Variants in SDCCAG8 observed in about 807,000 individuals in gnomAD.
SDCCAG8 encodes the protein SHH signaling and ciliogenesis regulator SDCCAG8.
In SDCCAG8, 74 loss-of-function variants were observed where a neutral mutation model predicts 101.8. That is an observed-to-expected ratio of 0.73 (90% confidence interval 0.60 to 0.88). SDCCAG8 has a LOEUF of 0.88. Among genes scored for constraint, SDCCAG8 ranks in the 40% least tolerant of loss-of-function variants. The pLI is 0.00. For missense variants in SDCCAG8, 787 were observed against 822.6 expected (o/e 0.96, Z 0.53); for synonymous variants, 281 against 292.9 (o/e 0.96, Z 0.41).
intron 12 of SDCCAG8, among the ~76,000 whole-genome samples, chr1:243,352,683 T>G (rs190569172): frequency 2.0e-5 from 3 of 152,332 alleles, no homozygotes; most frequent in East Asian, 3.9e-4. Context: ...TTAAAAAAAT[T>G]TATTGTATAA....
At chr1:243,256,280 C>T in intron 1 of SDCCAG8, 40 bp downstream of exon 1, 1 of 1,576,304 alleles carries the variant, frequency 6.3e-7, no homozygotes, top group Non-Finnish European at 8.7e-7. Context: ...CCCGAGGTGC[C>T]CAGGGCCTAG....
intron 4 of SDCCAG8, among the ~76,000 whole-genome samples, chr1:243,279,032 C>G (rs1243850495): frequency 2.0e-5 from 3 of 152,094 alleles, no homozygotes; most frequent in Non-Finnish European, 4.4e-5. Flanking sequence ...CTCAAACAGT[C>G]CTCCTGCCTG....
chr1:243,259,717 G>A (rs1319451222), intron 1 of SDCCAG8, among the ~76,000 whole-genome samples: 1 of 152,112 alleles, frequency 6.6e-6, no homozygotes, highest in Non-Finnish European at 1.5e-5. Flanking sequence ...TACTCGGGAG[G>A]CTGAGGCAGG....
At chr1:243,466,444 G>A (rs1279551099) in intron 16 of SDCCAG8, among the ~76,000 whole-genome samples, 1 of 152,172 alleles carries the variant, frequency 6.6e-6, no homozygotes, top group Non-Finnish European at 1.5e-5. Flanking sequence ...AACTCAGACA[G>A]TTTAAGTTCA....
chr1:243,315,566 T>C (rs181996790), intron 8 of SDCCAG8, among the ~76,000 whole-genome samples: 7 of 152,354 alleles, frequency 4.6e-5, no homozygotes, highest in Admixed American at 4.6e-4. Context: ...ATTGTAACTT[T>C]GTTCAGTATT....
intron 16 of SDCCAG8, among the ~76,000 whole-genome samples, chr1:243,462,632 A>G (rs571966717): frequency 1.2e-3 from 148 of 120,628 alleles, no homozygotes; most frequent in African/African-American, 4.4e-3. Flanking sequence ...TGAATAGTAG[A>G]ACAAATTTAC....
intron 17 of SDCCAG8, among the ~76,000 whole-genome samples, chr1:243,497,017 T>C (rs555165688): frequency 1.9e-4 from 29 of 151,896 alleles, no homozygotes; most frequent in African/African-American, 6.8e-4. Context: ...TGATGACAAA[T>C]GGAAGGGCAG....
At chr1:243,257,573 T>A (rs2066863505) in intron 1 of SDCCAG8, among the ~76,000 whole-genome samples, 1 of 152,226 alleles carries the variant, frequency 6.6e-6, no homozygotes, top group South Asian at 2.1e-4. Context: ...TATTTATACT[T>A]GTTACTTAAA....
At chr1:243,456,059 G>A (rs895140525) in intron 16 of SDCCAG8, among the ~76,000 whole-genome samples, 3 of 152,206 alleles carry the variant, frequency 2.0e-5, no homozygotes, top group African/African-American at 7.2e-5. Flanking sequence ...GGAGCTCAGA[G>A]CATGGACCCA....
chr1:243,397,251 C>T (rs2147960685), intron 13 of SDCCAG8, among the ~76,000 whole-genome samples: 1 of 152,316 alleles, frequency 6.6e-6, no homozygotes, highest in South Asian at 2.1e-4. Context: ...GGGTAGCTAA[C>T]ACTTAGCATA....
chr1:243,457,802 A>G (rs536702016), intron 16 of SDCCAG8, among the ~76,000 whole-genome samples: 1 of 152,328 alleles, frequency 6.6e-6, no homozygotes, highest in South Asian at 2.1e-4. Context: ...GCACTCTCCA[A>G]TCCCTCTGTT....
chr1:243,459,643 T>A (rs1658640111), intron 16 of SDCCAG8, among the ~76,000 whole-genome samples: 1 of 152,214 alleles, frequency 6.6e-6, no homozygotes, highest in African/African-American at 2.4e-5. Flanking sequence ...GGTTTAACTC[T>A]GTTGTGCAGG....
At chr1:243,412,338 C>G (rs982607356) in intron 13 of SDCCAG8, among the ~76,000 whole-genome samples, 1 of 152,062 alleles carries the variant, frequency 6.6e-6, no homozygotes, top group African/African-American at 2.4e-5. Context: ...GTGGGCCACA[C>G]ATAAAAGACA....
chr1:243,290,661 C>T (rs985982671), intron 5 of SDCCAG8, among the ~76,000 whole-genome samples: 1 of 152,200 alleles, frequency 6.6e-6, no homozygotes, highest in African/African-American at 2.4e-5. Context: ...CCTGCAGGCA[C>T]CATGCTATTC....
intron 16 of SDCCAG8, among the ~76,000 whole-genome samples, chr1:243,451,572 G>T (rs2083357695): frequency 6.6e-6 from 1 of 152,114 alleles, no homozygotes; most frequent in South Asian, 2.1e-4. Context: ...AGAGTAGCCT[G>T]CTTCTTGAGT....
intron 12 of SDCCAG8, among the ~76,000 whole-genome samples, chr1:243,363,499 T>C (rs1455485442): frequency 1.3e-5 from 2 of 152,152 alleles, no homozygotes; most frequent in Non-Finnish European, 1.5e-5. Context: ...GAGGTCAAAA[T>C]TGAAATGGGG....
chr1:243,298,048 C>CTTT (rs34885610), intron 6 of SDCCAG8, among the ~76,000 whole-genome samples: 2 of 137,872 alleles, frequency 1.5e-5, no homozygotes, highest in African/African-American at 5.3e-5. Flanking sequence ...TATAGTTTCA[C>CTTT]TTTTTTTTTT....
chr1:243,392,150 G>A (rs1018606705), intron 13 of SDCCAG8, among the ~76,000 whole-genome samples: 2 of 152,156 alleles, frequency 1.3e-5, no homozygotes, highest in East Asian at 1.9e-4. Flanking sequence ...TCAGCGTTTT[G>A]TAAATCTGAG....
At chr1:243,417,057 T>C (rs1163829783) in intron 14 of SDCCAG8, among the ~76,000 whole-genome samples, 2 of 152,202 alleles carry the variant, frequency 1.3e-5, no homozygotes, top group African/African-American at 2.4e-5. Flanking sequence ...AGGCAAGTCA[T>C]TAAATAATCT....
Sources: allele counts gnomAD v4.1 joint callset (sites outside exome capture counted in the v4.1 genomes callset), GRCh38; gene constraint gnomAD v4.1.1; transcripts MANE v1.5; gene names NCBI Gene and HGNC (gene_info 2026-07-23, HGNC 2026-07-21).